The following SYTL5 variants were observed in gnomAD, a reference collection of about 807,000 sequenced individuals.
SYTL5 encodes the protein synaptotagmin-like protein 5.
Under a neutral mutation model 55.9 loss-of-function variants are expected in SYTL5, and 34 were observed. That is an observed-to-expected ratio of 0.61 (90% confidence interval 0.46 to 0.81). The LOEUF (loss-of-function observed/expected upper bound fraction) is 0.81, where lower values mean the gene tolerates loss of function less well. SYTL5 is among the 30% of genes least tolerant of loss of function. The pLI is 0.00. For synonymous variants in SYTL5, 221 were observed against 188.7 expected (o/e 1.17, Z -1.40); for missense variants, 637 against 546.7 (o/e 1.17, Z -1.65).
At chrX:38,079,295 A>G (rs1470858772) in intron 6 of SYTL5, among the ~76,000 whole-genome samples, 2 of 111,490 alleles carry the variant, frequency 1.8e-5, no homozygotes, top group East Asian at 5.6e-4. Flanking sequence ...CTCACATCAT[A>G]TAAGAGTGTA....
chrX:37,940,927 G>C, the SYTL5 span, among the ~76,000 whole-genome samples: 1 of 110,984 alleles, frequency 9.0e-6, no homozygotes, highest in Non-Finnish European at 1.9e-5. Context: ...ACTATTTCTA[G>C]AAATAAGCTT....
intron 1 of SYTL5, among the ~76,000 whole-genome samples, chrX:38,030,761 T>C (rs908795041): frequency 1.8e-5 from 2 of 112,378 alleles, no homozygotes; most frequent in African/African-American, 6.5e-5. Context: ...AGCTACAGCA[T>C]TGGGCAGTTT....
At chrX:38,117,177 A>G (rs947071671) in intron 13 of SYTL5, among the ~76,000 whole-genome samples, 1 of 112,113 alleles carries the variant, frequency 8.9e-6, no homozygotes, top group Admixed American at 9.5e-5. Context: ...CTGGCAAAAT[A>G]TAAGTATCAA....
chrX:37,892,709 T>C, the SYTL5 span, among the ~76,000 whole-genome samples: 3 of 78,326 alleles, frequency 3.8e-5, no homozygotes, highest in African/African-American at 1.8e-4. Flanking sequence ...TATATTAGTA[T>C]ATATGTATAT....
At chrX:37,996,251 C>T in the SYTL5 span, among the ~76,000 whole-genome samples, 45 of 112,055 alleles carry the variant, frequency 4.0e-4, no homozygotes, top group African/African-American at 1.4e-3. Flanking sequence ...AATGCATCAC[C>T]CTGCCAGATC....
chrX:37,988,948 C>T, the SYTL5 span, among the ~76,000 whole-genome samples: 1 of 111,265 alleles, frequency 9.0e-6, no homozygotes, highest in Admixed American at 9.5e-5. Flanking sequence ...AGTAAAATGC[C>T]AGAGGAAAGA....
chrX:37,911,024 G>A, the SYTL5 span, among the ~76,000 whole-genome samples: 3 of 99,104 alleles, frequency 3.0e-5, no homozygotes, highest in African/African-American at 4.0e-5. Flanking sequence ...AGAGTGCAGC[G>A]GCGCCATCTC....
At chrX:37,891,728 G>A in the SYTL5 span, among the ~76,000 whole-genome samples, 1 of 111,595 alleles carries the variant, frequency 9.0e-6, no homozygotes, top group South Asian at 3.7e-4. Context: ...ATGAGTGTTT[G>A]TGTTTTCAGG....
intron 7 of SYTL5, among the ~76,000 whole-genome samples, chrX:38,090,050 C>T (rs1936760804): frequency 8.9e-6 from 1 of 112,172 alleles, no homozygotes; most frequent in Non-Finnish European, 1.9e-5. Flanking sequence ...AGGACTGAAC[C>T]TCCTGCATCT....
chrX:38,000,718 C>G, the SYTL5 span, among the ~76,000 whole-genome samples: 1 of 112,263 alleles, frequency 8.9e-6, no homozygotes, highest in African/African-American at 3.2e-5. Context: ...AATCGGATCA[C>G]ACATGGGCTT....
At chrX:37,953,446 C>T in the SYTL5 span, among the ~76,000 whole-genome samples, 1 of 111,540 alleles carries the variant, frequency 9.0e-6, no homozygotes, top group East Asian at 2.8e-4. Context: ...TATGAGAACA[C>T]TCAGGGTCAG....
chrX:37,981,484 A>G, the SYTL5 span, among the ~76,000 whole-genome samples: 3 of 110,094 alleles, frequency 2.7e-5, no homozygotes, highest in Non-Finnish European at 5.7e-5. Context: ...TTTTGTGGAG[A>G]TGGGGTTTCT....
rs1730481069 is a variant in SYTL5 at position 38,028,443 on chromosome X, A to G, written c.-356-5091A>G. 5.3e-5 allele frequency among the ~76,000 whole-genome samples: 6 copies of G among 112,602 alleles called. No homozygotes were observed. The Admixed American group carries it at 5.6e-4, about 11-fold the overall frequency. On this transcript the variant is annotated intron_variant, in intron 1 of 16. Coordinates refer to ENST00000297875, the MANE Select transcript of SYTL5 (RefSeq NM_138780.3). ...TTAAGAATACTCACAAATAGGTTCC[A>G]ATTCTGGAGAAGTCAGGTAGAGAGA...
intron 13 of SYTL5, among the ~76,000 whole-genome samples, chrX:38,112,778 C>T (rs1050376030): frequency 1.8e-4 from 20 of 111,883 alleles, no homozygotes; most frequent in Non-Finnish European, 3.2e-4. Context: ...TGTGAAGTGG[C>T]ACTTCAGTTT....
the SYTL5 span, among the ~76,000 whole-genome samples, chrX:37,987,879 CATT>C: frequency 1.8e-5 from 2 of 111,948 alleles, no homozygotes; most frequent in East Asian, 5.6e-4. Flanking sequence ...TTTACAGTGA[CATT>C]AGCTGCTTGA....
chrX:38,020,099 A>C (rs1602308648), intron 1 of SYTL5, among the ~76,000 whole-genome samples: 1 of 111,139 alleles, frequency 9.0e-6, no homozygotes, highest in East Asian at 2.8e-4. Context: ...CTTCAAAGCT[A>C]TATGACACTC....
the SYTL5 span, among the ~76,000 whole-genome samples, chrX:37,985,820 T>C: frequency 1.8e-5 from 2 of 111,595 alleles, no homozygotes; most frequent in Non-Finnish European, 3.8e-5. Context: ...GGTATAAACA[T>C]AGACAAATGG....
At chrX:38,124,080 G>A (rs770110392) in intron 15 of SYTL5, among the ~76,000 whole-genome samples, 6 of 111,252 alleles carry the variant, frequency 5.4e-5, no homozygotes, top group Non-Finnish European at 9.4e-5. Flanking sequence ...TTTCCATCTC[G>A]TTATGGTATC....
At chrX:38,018,680 C>A (rs755772657) in intron 1 of SYTL5, among the ~76,000 whole-genome samples, 2 of 111,627 alleles carry the variant, frequency 1.8e-5, no homozygotes, top group Admixed American at 1.9e-4. Flanking sequence ...GATAGACACC[C>A]AGAAATCTAT....
Sources: gnomAD v4.1 joint callset for allele counts (sites outside exome capture counted in the v4.1 genomes callset) on GRCh38, gnomAD v4.1.1 for gene constraint, MANE v1.5 for transcripts, NCBI Gene and HGNC (gene_info 2026-07-23, HGNC 2026-07-21) for gene names.